OPCML: variants seen among roughly 807,000 people sequenced by gnomAD.
OPCML encodes opioid-binding protein/cell adhesion molecule.
OPCML carries 13 observed loss-of-function variants against 37.8 expected under a neutral mutation model. The observed-to-expected ratio is 0.34, with a 90% CI of 0.22 to 0.55. The LOEUF is 0.55. Among genes scored for constraint, OPCML ranks in the 20% least tolerant of loss-of-function variants. The pLI is 0.91. For missense variants in OPCML, 341 were observed against 435.6 expected, an observed-to-expected ratio of 0.78 and a Z score of 1.93; for synonymous variants, 176 against 168.8, an observed-to-expected ratio of 1.04 and a Z score of -0.33.
chr11:132,822,127 C>T (rs565135748), intron 2 of OPCML, among the ~76,000 whole-genome samples: 11 of 152,230 alleles, frequency 7.2e-5, no homozygotes, highest in Non-Finnish European at 1.5e-4. Flanking sequence ...TGGAGACACC[C>T]GTGATACACT....
chr11:133,173,859 G>A lies in OPCML; in HGVS notation c.62-230849C>T, dbSNP rs1950323505. 6.6e-6 allele frequency among the ~76,000 whole-genome samples: 1 copy of A among 152,172 alleles called. No homozygotes were observed. The highest frequency in any genetic ancestry group is 6.5e-5 in the Admixed American group (1 of 15,274). On this transcript the variant is annotated intron_variant, in intron 1 of 7. Transcript: ENST00000524381. This position sits in a 1 kb window ranked among gnomAD's most constrained non-coding sequence, Gnocchi z 7.8. The stretch of plus-strand genomic sequence containing the variant: ...TTGAGTTTATGAGGCAAATAATGAA[G>A]TTGATAAATGGGTCTGCACTCTGAG...
chr11:133,410,917 A>G (rs576759621), intron 1 of OPCML, among the ~76,000 whole-genome samples: 169 of 152,316 alleles, frequency 1.1e-3, no homozygotes, highest in Middle Eastern at 6.8e-3. Flanking sequence ...GGGACCACCC[A>G]TTCCAATGAC....
chr11:132,976,293 T>TG (rs1946462586), intron 1 of OPCML, among the ~76,000 whole-genome samples: 1 of 151,868 alleles, frequency 6.6e-6, no homozygotes, highest in African/African-American at 2.4e-5. Flanking sequence ...TCGAATGAGG[T>TG]GGGGGGAGGG....
chr11:133,200,117 G>T (rs1938707417), intron 1 of OPCML, among the ~76,000 whole-genome samples: 1 of 152,098 alleles, frequency 6.6e-6, no homozygotes, highest in African/African-American at 2.4e-5. Context: ...TCCATGGAAA[G>T]CCTGATGTCT....
intron 1 of OPCML, among the ~76,000 whole-genome samples, chr11:133,057,665 G>T (rs1430013948): frequency 6.6e-6 from 1 of 152,188 alleles, no homozygotes; most frequent in African/African-American, 2.4e-5. Context: ...TCAAAGGACA[G>T]AAATGACTCC....
chr11:132,755,476 T>A (rs1459932225), intron 2 of OPCML, among the ~76,000 whole-genome samples: 1 of 152,318 alleles, frequency 6.6e-6, no homozygotes, highest in East Asian at 1.9e-4. Flanking sequence ...TCAAGAACCA[T>A]ATATTGCACG....
chr11:132,983,982 CAGA>C (rs1321810570), intron 1 of OPCML, among the ~76,000 whole-genome samples: 1 of 152,204 alleles, frequency 6.6e-6, no homozygotes, highest in Non-Finnish European at 1.5e-5. Context: ...CTGGATTCCT[CAGA>C]AGGTTCCTGG....
At chr11:132,675,477 G>A (rs192528823) in intron 2 of OPCML, among the ~76,000 whole-genome samples, 1 of 151,796 alleles carries the variant, frequency 6.6e-6, no homozygotes, top group East Asian at 1.9e-4. Flanking sequence ...CACCCAGTTT[G>A]GAAAGAAACA....
intron 2 of OPCML, among the ~76,000 whole-genome samples, chr11:132,888,252 C>T (rs1591758138): frequency 2.0e-5 from 3 of 152,134 alleles, no homozygotes; most frequent in Admixed American, 6.5e-5. Flanking sequence ...GGCACATGGG[C>T]CCAACCAGGG....
intron 4 of OPCML, among the ~76,000 whole-genome samples, chr11:132,449,262 T>C (rs1388166001): frequency 2.0e-5 from 3 of 152,222 alleles, no homozygotes; most frequent in Admixed American, 6.5e-5. Context: ...CTGAACGTAA[T>C]GTCTTGTGTT....
At chr11:132,776,644 G>A (rs954651613) in intron 2 of OPCML, among the ~76,000 whole-genome samples, 4 of 152,018 alleles carry the variant, frequency 2.6e-5, no homozygotes, top group African/African-American at 9.7e-5. Context: ...ATGAGTGGAA[G>A]CTCCCTGAGG....
chr11:132,859,598 G>A (rs962663852), intron 2 of OPCML: 3 of 152,232 alleles, frequency 2.0e-5, no homozygotes, highest in Admixed American at 6.5e-5. Context: ...ATAGACTGGA[G>A]CTAGCACAAG....
intron 3 of OPCML, among the ~76,000 whole-genome samples, chr11:132,635,973 C>G (rs140585491): frequency 2.8e-4 from 43 of 152,160 alleles, no homozygotes; most frequent in African/African-American, 1.0e-3. Context: ...TACTCCCCCC[C>G]GGATACAAGA....
At chr11:133,009,235 T>C (rs1343518444) in intron 1 of OPCML, 1 of 985,392 alleles carries the variant, frequency 1.0e-6, no homozygotes, top group Non-Finnish European at 1.2e-6. Flanking sequence ...ACTTCAAGTG[T>C]TGCAAGAAAA....
At chr11:133,239,294 G>A (rs1371600498) in intron 1 of OPCML, among the ~76,000 whole-genome samples, 1 of 152,236 alleles carries the variant, frequency 6.6e-6, no homozygotes, top group African/African-American at 2.4e-5. Context: ...CTTGGTGGAG[G>A]ATGCAACAAC....
chr11:132,978,571 G>A (rs939174994), intron 1 of OPCML, among the ~76,000 whole-genome samples: 9 of 152,126 alleles, frequency 5.9e-5, no homozygotes, highest in Non-Finnish European at 1.2e-4. Context: ...TGCAAGGTGT[G>A]GCTCTGCAGA....
intron 1 of OPCML, among the ~76,000 whole-genome samples, chr11:133,214,062 T>A (rs1458627979): frequency 2.0e-5 from 3 of 152,288 alleles, no homozygotes; most frequent in East Asian, 3.9e-4. Context: ...TAATATACAA[T>A]CTTTCCTTGA....
intron 4 of OPCML, among the ~76,000 whole-genome samples, chr11:132,508,231 G>T (rs1335953271): frequency 1.3e-5 from 2 of 152,018 alleles, no homozygotes; most frequent in Admixed American, 6.6e-5. Flanking sequence ...ATTTTATGAG[G>T]CCAGAATTAC....
chr11:132,955,404 A>C (rs1230864437), intron 1 of OPCML, among the ~76,000 whole-genome samples: 1 of 152,242 alleles, frequency 6.6e-6, no homozygotes, highest in African/African-American at 2.4e-5. Flanking sequence ...TATTTAAAAA[A>C]TAGTGACAGT....
Sources: gnomAD v4.1 joint callset for allele counts (sites outside exome capture counted in the v4.1 genomes callset) on GRCh38, gnomAD v4.1.1 for gene constraint, Gnocchi (gnomAD v3.1) non-coding constraint, MANE v1.5 for transcripts, NCBI Gene and HGNC (gene_info 2026-07-23, HGNC 2026-07-21) for gene names.